MARS1: variants seen among roughly 807,000 people sequenced by gnomAD.
MARS1 encodes methionine--tRNA ligase, cytoplasmic.
A neutral mutation model predicts 119.5 loss-of-function variants in MARS1; 80 were observed. The ratio of observed to expected loss-of-function variants is 0.67; its 90% CI spans 0.56 to 0.81. The LOEUF (loss-of-function observed/expected upper bound fraction) is 0.81, where lower values mean the gene tolerates loss of function less well. Ranked by LOEUF, MARS1 falls within the 30% of genes least tolerant of loss-of-function variation. The probability of loss-of-function intolerance (pLI) is 0.00; values close to 1 mark genes in which losing one functional copy is unlikely to be tolerated. For synonymous variants in MARS1, 418 were observed against 433.4 expected (o/e 0.96, Z 0.44); for missense variants, 945 against 1,116.5 (o/e 0.85, Z 2.19).
At chr12:57,488,635 T>C (rs1192532141) in intron 1 of MARS1, 2 of 1,551,058 alleles carry the variant, frequency 1.3e-6, no homozygotes, top group Non-Finnish European at 1.7e-6. Flanking sequence ...CAGCCGATTG[T>C]TTGGGTGACT....
Position 57,515,020 on chromosome 12 carries a change from T to C in MARS1, c.2166T>C (p.Asn722=), listed in dbSNP as rs1464895867. 6.2e-7 allele frequency: 1 copy of C among 1,614,152 alleles called. No individual in the cohort carries two copies. Among genetic ancestry groups the C allele is most frequent in the Non-Finnish European group, 8.5e-7 (1 of 1,180,034 alleles). Residue 722 remains asparagine, a synonymous_variant, in exon 17 of 21, where the codon AAT becomes AAC. Transcript: ENST00000262027. ...ATGGCAACCAATATATTCAGGTGAA[T>C]GAGCCCTGGAAGCGGATTAAAGGCA... ...SRHGNQYIQV[N]EPWKRIKGSE...
chr12:57,513,530 C>G, intron 15 of MARS1, among the ~76,000 whole-genome samples: 1 of 147,352 alleles, frequency 6.8e-6, no homozygotes, highest in Admixed American at 7.0e-5. Context: ...GGGATGGTCT[C>G]TTGAACTTGG....
chr12:57,488,557 C>A (rs924782280), intron 1 of MARS1: 8 of 1,548,778 alleles, frequency 5.2e-6, no homozygotes, highest in Non-Finnish European at 7.0e-6. Context: ...CTTTTGTGTT[C>A]TTAGGAAATC....
chr12:57,500,564 C>T (rs745797902), intron 10 of MARS1, 42 bp downstream of exon 10: 2 of 1,585,788 alleles, frequency 1.3e-6, no homozygotes, highest in Admixed American at 1.7e-5. Flanking sequence ...GGAGACAGTC[C>T]TTATTCTTAA....
intron 7 of MARS1, 34 bp from the exon 8 acceptor site, chr12:57,498,123 C>T: frequency 1.4e-6 from 2 of 1,404,112 alleles, no homozygotes; most frequent in African/African-American, 1.4e-5. Flanking sequence ...CTCACATCCC[C>T]CCATGCACTG....
Position 57,493,467 on chromosome 12 carries a change from T to C in MARS1, c.770+2823T>C, listed in dbSNP as rs1594811966. On this transcript the variant is annotated intron_variant, in intron 7 of 20. Transcript: ENST00000262027. ...ATAATATATAATATATTATAATATA[T>C]AATATATAATATATAATATATAATA... Among the ~76,000 whole-genome samples, 5 of 814 alleles carry C rather than the reference T, an allele frequency of 6.1e-3. 1 individual carries two copies. Among genetic ancestry groups the C allele is most frequent in the Non-Finnish European group, 0.024 (5 of 208 alleles). The allele number at this position is 814 out of a possible 152,430, so 0.5% of individuals were successfully genotyped here.
intron 11 of MARS1, among the ~76,000 whole-genome samples, chr12:57,506,631 T>C (rs541743300): frequency 6.6e-6 from 1 of 152,158 alleles, no homozygotes; most frequent in Admixed American, 6.6e-5. Context: ...CACTGTGTGA[T>C]TAATATTTTC....
intron 7 of MARS1, among the ~76,000 whole-genome samples, chr12:57,495,548 C>T (rs1341520810): frequency 1.3e-5 from 2 of 152,026 alleles, no homozygotes; most frequent in Non-Finnish European, 2.9e-5. Flanking sequence ...CTCCTCACAT[C>T]CCAGACGATG....
Position 57,497,868 on chromosome 12 carries a change from A to G in MARS1, c.771-289A>G, listed in dbSNP as rs145577720. Among the ~76,000 whole-genome samples the G allele has an allele frequency of 1.4e-4, 21 of 152,198 alleles. 1 individual carries two copies. In the East Asian group the frequency reaches 4.1e-3, roughly 29 times the overall value. ...TTTGAGCCTGAGAATGAGGTAATAG[A>G]AAACAAGCAGTCATGACAGTAAAAG... is the stretch of plus-strand genomic sequence containing the variant. On this transcript the variant is annotated intron_variant, in intron 7 of 20. Coordinates refer to ENST00000262027, the MANE Select transcript of MARS1 (RefSeq NM_004990.4).
At chr12:57,503,637 C>T (rs1057181258) in intron 10 of MARS1, among the ~76,000 whole-genome samples, 6 of 151,880 alleles carry the variant, frequency 4.0e-5, no homozygotes, top group East Asian at 3.9e-4. Context: ...CTCTGCCTCT[C>T]AGGTTCAAGC....
intron 11 of MARS1, among the ~76,000 whole-genome samples, chr12:57,510,611 A>G (rs1180104598): frequency 6.6e-6 from 1 of 151,910 alleles, no homozygotes; most frequent in African/African-American, 2.4e-5. Context: ...CCTTAAAAAA[A>G]AAAAAGAAAA....
intron 7 of MARS1, among the ~76,000 whole-genome samples, chr12:57,491,034 G>A (rs967699275): frequency 1.3e-4 from 19 of 151,722 alleles, no homozygotes; most frequent in African/African-American, 4.4e-4. Flanking sequence ...GCACCACCAC[G>A]CCTGGCTAAT....
chr12:57,496,176 TC>T (rs1330365416), intron 7 of MARS1, among the ~76,000 whole-genome samples: 1 of 149,952 alleles, frequency 6.7e-6, no homozygotes, highest in African/African-American at 2.5e-5. Context: ...ATAAGCACTT[TC>T]TTTTTTTTTT....
At chr12:57,497,878 G>C (rs1876710529) in intron 7 of MARS1, among the ~76,000 whole-genome samples, 1 of 152,084 alleles carries the variant, frequency 6.6e-6, no homozygotes, top group Non-Finnish European at 1.5e-5. Context: ...AAAACAAGCA[G>C]TCATGACAGT....
Position 57,516,311 on chromosome 12 carries a change from G to C in MARS1, c.2530G>C (p.Ala844Pro). ...VTTAKPQQIQ[A>P]LMDEVTKQGN... Reference sequence around the variant, plus strand: ...AACAGCCAAGCCACAGCAGATACAAGCGCTGATGGATGAAGTGACAAAACA... The same window carrying C: ...AACAGCCAAGCCACAGCAGATACAACCGCTGATGGATGAAGTGACAAAACA... Residue 844 changes from alanine to proline, a missense_variant, in exon 20 of 21, where the codon GCG becomes CCG. Ala to Pro is a conservative substitution (Grantham distance 27). Transcript: ENST00000262027. The C allele has an allele frequency of 6.2e-7, 1 of 1,614,230 alleles. No individual in the cohort carries two copies. The highest frequency in any genetic ancestry group is 8.5e-7 in the Non-Finnish European group (1 of 1,180,036).
chr12:57,488,596 G>C, intron 1 of MARS1: 1 of 1,550,938 alleles, frequency 6.4e-7, no homozygotes, highest in Non-Finnish European at 8.7e-7. Flanking sequence ...ACACACACAC[G>C]TTCCTTTCTG....
chr12:57,507,203 G>T (rs1360132741), intron 11 of MARS1, among the ~76,000 whole-genome samples: 3 of 152,074 alleles, frequency 2.0e-5, no homozygotes, highest in Non-Finnish European at 4.4e-5. Flanking sequence ...CAAGGCAGAA[G>T]AATTTTTCTT....
chr12:57,511,239 C>G (rs115823928), intron 11 of MARS1, among the ~76,000 whole-genome samples: 2,995 of 152,146 alleles, frequency 0.02, 100 homozygotes, highest in African/African-American at 0.069. Flanking sequence ...CGTCAGCCTT[C>G]GGAGTAGCTG....
intron 7 of MARS1, among the ~76,000 whole-genome samples, chr12:57,493,646 A>ATT (rs1876274491): frequency 8.1e-5 from 1 of 12,336 alleles, no homozygotes; most frequent in African/African-American, 8.7e-4. Context: ...ATTAATATAT[A>ATT]ATATACAATA....
Sources: gnomAD v4.1 joint callset for allele counts (sites outside exome capture counted in the v4.1 genomes callset) on GRCh38, gnomAD v4.1.1 for gene constraint, MANE v1.5 for transcripts, NCBI Gene and HGNC (gene_info 2026-07-23, HGNC 2026-07-21) for gene names.